Variants in C2orf49 observed in about 807,000 individuals in gnomAD.
The protein encoded by C2orf49 is tRNA-splicing ligase complex subunit ASW.
Under a neutral mutation model 20.6 loss-of-function variants are expected in C2orf49, and 11 were observed. The observed-to-expected ratio is 0.53, with a 90% CI of 0.34 to 0.88. C2orf49 has a LOEUF of 0.88. Among genes scored for constraint, C2orf49 ranks in the 40% least tolerant of loss-of-function variants. The pLI, the probability that C2orf49 is intolerant of heterozygous loss-of-function variation, is 0.02. For synonymous variants in C2orf49, 134 were observed against 108.5 expected, an observed-to-expected ratio of 1.24 and a Z score of -1.46; for missense variants, 289 against 274.2, an observed-to-expected ratio of 1.05 and a Z score of -0.38.
In C2orf49 at chr2:105,347,092, C is replaced by CAGT. The variant is rs1679833018; in HGVS notation, c.*1722_*1723insGTA. The CAGT allele has an allele frequency of 6.6e-6, 1 of 152,272 alleles. No homozygotes were observed. Among genetic ancestry groups the CAGT allele is most frequent in the East Asian group, 1.9e-4 (1 of 5,184 alleles). 9.4% of individuals were successfully genotyped at this position (152,272 alleles called of 1,614,324 possible). A position where few individuals can be genotyped will look rare whatever the true frequency, so the allele number is the denominator to read the frequency against. On this transcript the variant is annotated 3_prime_UTR_variant, in exon 4 of 4. Coordinates refer to ENST00000258457, the MANE Select transcript of C2orf49 (RefSeq NM_024093.3). Reference sequence around the variant, plus strand: ...TTAATTCAGCCTTGCAGGTAAGTACCATACTAAGACTTTAACCCAATAGTT... The same window carrying CAGT: ...TTAATTCAGCCTTGCAGGTAAGTACCAGTATACTAAGACTTTAACCCAATAGTT...
At chr2:105,357,549 A>G in the C2orf49 span, among the ~76,000 whole-genome samples, 2 of 152,354 alleles carry the variant, frequency 1.3e-5, no homozygotes, top group East Asian at 1.9e-4. Flanking sequence ...GAATTTGCAT[A>G]TAACCTATTC....
chr2:105,383,166 G>A, the C2orf49 span, among the ~76,000 whole-genome samples: 23 of 152,348 alleles, frequency 1.5e-4, no homozygotes, highest in East Asian at 1.9e-4. Context: ...AATTACAGGC[G>A]TGGGCCACTG....
chr2:105,369,705 G>A, the C2orf49 span, among the ~76,000 whole-genome samples: 22 of 152,314 alleles, frequency 1.4e-4, no homozygotes, highest in Admixed American at 1.3e-3. Flanking sequence ...GCATACTTTT[G>A]TCACTTGCTC....
At chr2:105,339,851 A>G (rs1321438605) in intron 2 of C2orf49, 102 bp downstream of exon 2, 11 of 1,018,130 alleles carry the variant, frequency 1.1e-5, no homozygotes, top group South Asian at 1.9e-5. Context: ...AAATTTATTT[A>G]CTCAATGACT....
At chr2:105,344,757 T>C (rs919360781) in intron 3 of C2orf49, among the ~76,000 whole-genome samples, 2 of 151,964 alleles carry the variant, frequency 1.3e-5, no homozygotes, top group Non-Finnish European at 2.9e-5. Context: ...TTTTTTTTTT[T>C]TTTATTTTTG....
the C2orf49 span, among the ~76,000 whole-genome samples, chr2:105,381,788 C>T: frequency 6.6e-6 from 1 of 152,148 alleles, no homozygotes; most frequent in Admixed American, 6.5e-5. Context: ...AGGTAATTTG[C>T]TCATTGAGAA....
chr2:105,363,597 A>G, the C2orf49 span: 1 of 876,486 alleles, frequency 1.1e-6, no homozygotes, highest in Non-Finnish European at 1.7e-6. Context: ...GTCACCAAGA[A>G]GCTGCTTTAC....
chr2:105,351,809 G>T (rs1184269614), downstream of C2orf49, among the ~76,000 whole-genome samples: 1 of 152,158 alleles, frequency 6.6e-6, no homozygotes. Flanking sequence ...TGCTACTGGG[G>T]TGTCATTGTT....
At chr2:105,363,484 G>A in the C2orf49 span, 7 of 1,595,438 alleles carry the variant, frequency 4.4e-6, no homozygotes, top group Non-Finnish European at 6.0e-6. Flanking sequence ...GCAGGGACGA[G>A]GGGGAGAGTT....
chr2:105,343,244 CA>C lies in C2orf49; in HGVS notation c.642+22del, dbSNP rs1250869472. On this transcript the variant is annotated intron_variant, in intron 3 of 3. Coordinates refer to ENST00000258457, the MANE Select transcript of C2orf49 (RefSeq NM_024093.3). ...CCATGGTAAGTATGGGGGTGGTTTC[CA>C]TGCTGGTAAGTGGTCTGAATGAAAC... is the stretch of plus-strand genomic sequence containing the variant. 3.2e-6 allele frequency: 5 copies of C among 1,543,662 alleles called. No individual in the cohort carries two copies. In the African/African-American group the frequency reaches 6.9e-5, roughly 21 times the overall value.
the C2orf49 span, among the ~76,000 whole-genome samples, chr2:105,385,242 T>C: frequency 2.0e-5 from 3 of 152,148 alleles, no homozygotes; most frequent in Non-Finnish European, 4.4e-5. Flanking sequence ...ATGGAAACCA[T>C]CCCTCAACTG....
chr2:105,376,903 G>A, the C2orf49 span, among the ~76,000 whole-genome samples: 2 of 152,060 alleles, frequency 1.3e-5, no homozygotes, highest in South Asian at 2.1e-4. Flanking sequence ...TAAGTGAAAC[G>A]ACAAATCGGT....
chr2:105,383,168 G>C, the C2orf49 span, among the ~76,000 whole-genome samples: 2 of 152,230 alleles, frequency 1.3e-5, no homozygotes, highest in Non-Finnish European at 2.9e-5. Flanking sequence ...TTACAGGCGT[G>C]GGCCACTGTG....
At chr2:105,375,223 A>G in the C2orf49 span, 3 of 152,162 alleles carry the variant, frequency 2.0e-5, no homozygotes, top group African/African-American at 7.2e-5. Flanking sequence ...CAAACTAGTT[A>G]TTTGATTTAG....
downstream of C2orf49, among the ~76,000 whole-genome samples, chr2:105,352,640 T>C (rs1558671164): frequency 6.6e-6 from 1 of 151,920 alleles, no homozygotes; most frequent in Non-Finnish European, 1.5e-5. Context: ...GAGACGGGGT[T>C]TCACCATGTT....
the C2orf49 span, among the ~76,000 whole-genome samples, chr2:105,382,501 C>T: frequency 4.6e-5 from 7 of 152,184 alleles, no homozygotes; most frequent in East Asian, 1.3e-3. Flanking sequence ...GCCTCAGCGG[C>T]TACTCCATAA....
At chr2:105,371,803 GT>G in the C2orf49 span, among the ~76,000 whole-genome samples, 5 of 152,210 alleles carry the variant, frequency 3.3e-5, no homozygotes, top group African/African-American at 1.2e-4. Context: ...GGTTTAATTT[GT>G]TTTTCAATTA....
Position 105,337,627 on chromosome 2 carries a change from G to C in C2orf49, c.40G>C (p.Glu14Gln), listed in dbSNP as rs1679536244. 1 of 1,610,316 alleles carries C rather than the reference G, an allele frequency of 6.2e-7. No individual in the cohort carries two copies. The highest frequency in any genetic ancestry group is 1.1e-5 in the South Asian group (1 of 90,992). ...DVGGRSCTDS[E>Q]LLLHPELLSQ... is the part of the protein sequence containing the mutation. The stretch of plus-strand genomic sequence containing the variant: ...GGGCGGTCGCAGCTGCACGGACTCG[G>C]AACTGCTGCTGCACCCGGAGCTGCT... The change falls in exon 1 of 4, where the codon GAA (glutamate) becomes CAA (glutamine). Residue 14 changes from glutamate to glutamine, a missense_variant. Coordinates refer to ENST00000258457, the MANE Select transcript of C2orf49 (RefSeq NM_024093.3).
chr2:105,337,703 CGGAGGGTGGGCGGGTG>C lies in C2orf49; in HGVS notation c.99+20_99+35del. 1.0e-5 allele frequency: 1 copy of C among 99,742 alleles called. No individual in the cohort carries two copies. Among genetic ancestry groups the C allele is most frequent in the Non-Finnish European group, 1.3e-5 (1 of 74,182 alleles). The allele number at this position is 99,742 out of a possible 1,614,324, so 6.2% of individuals were successfully genotyped here. A position where few individuals can be genotyped will look rare whatever the true frequency, so the allele number is the denominator to read the frequency against. ...CTGGAGCAGGTTGGGCGCGCCGGAT[CGGAGGGTGGGCGGGTG>C]GGCCTTCCCAGGTGAGGCGCTTGCA... On this transcript the variant is annotated intron_variant, in intron 1 of 3. Coordinates refer to ENST00000258457, the MANE Select transcript of C2orf49 (RefSeq NM_024093.3).
Sources: gnomAD v4.1 joint callset for allele counts (sites outside exome capture counted in the v4.1 genomes callset) on GRCh38, gnomAD v4.1.1 for gene constraint, MANE v1.5 for transcripts, NCBI Gene and HGNC (gene_info 2026-07-23, HGNC 2026-07-21) for gene names.